NOS1AP: variants seen among roughly 807,000 people sequenced by gnomAD.
NOS1AP encodes the protein carboxyl-terminal PDZ ligand of neuronal nitric oxide synthase protein.
Under a neutral mutation model 56.2 loss-of-function variants are expected in NOS1AP, and 21 were observed. The observed-to-expected ratio is 0.37, with a 90% CI of 0.26 to 0.54. The LOEUF is 0.54. Ranked by LOEUF, NOS1AP falls within the 20% of genes least tolerant of loss-of-function variation. The pLI, the probability that NOS1AP is intolerant of heterozygous loss-of-function variation, is 0.84. For synonymous variants in NOS1AP, 270 were observed against 274.6 expected, an observed-to-expected ratio of 0.98 and a Z score of 0.17; for missense variants, 522 against 657.8, an observed-to-expected ratio of 0.79 and a Z score of 2.26.
At chr1:162,145,615 CA>C (rs1218837326) in intron 1 of NOS1AP, among the ~76,000 whole-genome samples, 1 of 152,178 alleles carries the variant, frequency 6.6e-6, no homozygotes, top group Non-Finnish European at 1.5e-5. Flanking sequence ...CAGCTGTGCA[CA>C]AGAGCAGTTT....
chr1:162,355,162 C>T, intron 6 of NOS1AP, 25 bp from the exon 7 acceptor site: 7 of 1,613,142 alleles, frequency 4.3e-6, no homozygotes, highest in Non-Finnish European at 5.9e-6. Flanking sequence ...CATTCTCTTC[C>T]CTCCCTCCCC....
intron 2 of NOS1AP, among the ~76,000 whole-genome samples, chr1:162,217,176 C>A (rs1037176333): frequency 6.6e-6 from 1 of 151,004 alleles, no homozygotes; most frequent in Admixed American, 6.6e-5. Flanking sequence ...CAAGCCTATA[C>A]GACTCAAACT....
At chr1:162,194,871 A>T (rs1415218164) in intron 2 of NOS1AP, among the ~76,000 whole-genome samples, 2 of 152,158 alleles carry the variant, frequency 1.3e-5, no homozygotes, top group Admixed American at 6.5e-5. Flanking sequence ...GTCCTGAAAA[A>T]GTGACCTTGC....
intron 2 of NOS1AP, among the ~76,000 whole-genome samples, chr1:162,201,692 C>T (rs1001694360): frequency 2.0e-5 from 3 of 152,030 alleles, no homozygotes; most frequent in African/African-American, 2.4e-5. Context: ...TGCATTTCTC[C>T]GGTCAGTGAT....
chr1:162,348,811 A>C (rs1030629705), intron 6 of NOS1AP, among the ~76,000 whole-genome samples: 8 of 152,194 alleles, frequency 5.3e-5, no homozygotes, highest in Admixed American at 3.3e-4. Flanking sequence ...CATATAAAGA[A>C]AGAGAAAGAC....
intron 4 of NOS1AP, among the ~76,000 whole-genome samples, chr1:162,305,911 ATAAAACTTTACATATATTAATGTTCAAT>A (rs1271314655): frequency 2.0e-5 from 3 of 152,252 alleles, no homozygotes; most frequent in African/African-American, 7.2e-5. Flanking sequence ...TAGCCTAAAT[ATAAAACTTTACATATATTAATGTTCAAT>A]TAAATGTAAT....
chr1:162,289,436 T>A (rs1356219685), intron 3 of NOS1AP, among the ~76,000 whole-genome samples: 3 of 150,848 alleles, frequency 2.0e-5, no homozygotes, highest in Non-Finnish European at 4.4e-5. Flanking sequence ...TAGCTGTGAT[T>A]ACTGGCGCCT....
chr1:162,197,034 C>T (rs766802570), intron 2 of NOS1AP, among the ~76,000 whole-genome samples: 1 of 152,168 alleles, frequency 6.6e-6, no homozygotes, highest in Non-Finnish European at 1.5e-5. Flanking sequence ...TTTCTTCGCC[C>T]ATTCCATTGT....
intron 1 of NOS1AP, among the ~76,000 whole-genome samples, chr1:162,153,668 A>G (rs1348565491): frequency 6.6e-6 from 1 of 152,240 alleles, no homozygotes; most frequent in Non-Finnish European, 1.5e-5. Flanking sequence ...TGTGAGTAAT[A>G]TGAACCTTTA....
At chr1:162,144,500 C>T (rs1649371200) in intron 1 of NOS1AP, among the ~76,000 whole-genome samples, 1 of 152,214 alleles carries the variant, frequency 6.6e-6, no homozygotes, top group Admixed American at 6.5e-5. Context: ...TTACCTGATA[C>T]AGGTGATGAT....
At chr1:162,249,149 A>G (rs1225914496) in intron 2 of NOS1AP, among the ~76,000 whole-genome samples, 1 of 152,096 alleles carries the variant, frequency 6.6e-6, no homozygotes, top group Non-Finnish European at 1.5e-5. Context: ...TGCCCATGGC[A>G]CTTTGGATAT....
intron 2 of NOS1AP, among the ~76,000 whole-genome samples, chr1:162,268,892 A>T (rs905599112): frequency 1.3e-5 from 2 of 152,206 alleles, no homozygotes; most frequent in African/African-American, 4.8e-5. Context: ...GAAGTCCAAC[A>T]TCTGATAAAT....
intron 3 of NOS1AP, among the ~76,000 whole-genome samples, chr1:162,296,400 T>G (rs1655463458): frequency 6.6e-6 from 1 of 152,204 alleles, no homozygotes; most frequent in African/African-American, 2.4e-5. Context: ...TCCTGATCTC[T>G]TCATAGATTT....
At chr1:162,187,905 T>C (rs1651494282) in intron 2 of NOS1AP, among the ~76,000 whole-genome samples, 1 of 152,192 alleles carries the variant, frequency 6.6e-6, no homozygotes, top group African/African-American at 2.4e-5. Flanking sequence ...TTGATTCAGC[T>C]ACATTCATGA....
chr1:162,212,349 C>T (rs1652379206), intron 2 of NOS1AP, among the ~76,000 whole-genome samples: 2 of 152,290 alleles, frequency 1.3e-5, no homozygotes, highest in South Asian at 4.1e-4. Context: ...AAACATTTAG[C>T]ACCTGTGCTG....
At chr1:162,113,577 G>A (rs557700051) in intron 1 of NOS1AP, among the ~76,000 whole-genome samples, 1 of 152,302 alleles carries the variant, frequency 6.6e-6, no homozygotes, top group African/African-American at 2.4e-5. Flanking sequence ...TATGATCATG[G>A]CAGAAGGCAA....
intron 4 of NOS1AP, among the ~76,000 whole-genome samples, chr1:162,326,685 A>G (rs1286540656): frequency 1.3e-5 from 2 of 152,178 alleles, no homozygotes; most frequent in Non-Finnish European, 2.9e-5. Flanking sequence ...CAGTCTGCAC[A>G]TTGGCAGGCT....
intron 3 of NOS1AP, among the ~76,000 whole-genome samples, chr1:162,296,687 G>A (rs1655471764): frequency 1.3e-5 from 2 of 152,146 alleles, no homozygotes; most frequent in South Asian, 4.1e-4. Context: ...AAAGAAAATA[G>A]TTCTGTATTA....
At chr1:162,293,862 G>A (rs1655351301) in intron 3 of NOS1AP, among the ~76,000 whole-genome samples, 1 of 152,168 alleles carries the variant, frequency 6.6e-6, no homozygotes, top group Non-Finnish European at 1.5e-5. Flanking sequence ...CACCTTTAAG[G>A]TGGAGACCAA....
Sources: gnomAD v4.1 joint callset for allele counts (sites outside exome capture counted in the v4.1 genomes callset) on GRCh38, gnomAD v4.1.1 for gene constraint, MANE v1.5 for transcripts, NCBI Gene and HGNC (gene_info 2026-07-23, HGNC 2026-07-21) for gene names.